Variants in MMP10 observed in about 807,000 individuals in gnomAD.
MMP10 encodes matrix metallopeptidase 10, also known as stromelysin-2.
Under a neutral mutation model 49.1 loss-of-function variants are expected in MMP10, and 50 were observed. The ratio of observed to expected loss-of-function variants is 1.02; its 90% confidence interval spans 0.81 to 1.29. The LOEUF is 1.29. Among genes scored for constraint, MMP10 ranks in the 50% most tolerant of loss-of-function variants. MMP10 has a pLI of 0.00. For synonymous variants in MMP10, 229 were observed against 201.6 expected, an observed-to-expected ratio of 1.14 and a Z score of -1.15; for missense variants, 613 against 563.8, an observed-to-expected ratio of 1.09 and a Z score of -0.88.
chr11:102,771,722 G>A (rs2134347249), intron 9 of MMP10, among the ~76,000 whole-genome samples: 1 of 152,166 alleles, frequency 6.6e-6, no homozygotes, highest in African/African-American at 2.4e-5. Flanking sequence ...TACCAACATA[G>A]TGACCTGAAA....
chr11:102,778,909 G>A (rs537945389), intron 3 of MMP10, among the ~76,000 whole-genome samples, 160 bp from the exon 4 acceptor site: 53 of 152,336 alleles, frequency 3.5e-4, no homozygotes, highest in African/African-American at 1.2e-3. Context: ...AAGAGGTTAG[G>A]TCTTTAGGAA....
intron 4 of MMP10, among the ~76,000 whole-genome samples, chr11:102,777,688 T>G (rs1334696992): frequency 6.6e-6 from 1 of 152,190 alleles, no homozygotes; most frequent in Non-Finnish European, 1.5e-5. Flanking sequence ...AGATTCAGCT[T>G]TTTAAAAATA....
Position 102,776,351 on chromosome 11 carries a change from G to A in MMP10, c.861C>T (p.Ala287=), listed in dbSNP as rs751259563. 9.3e-6 allele frequency: 15 copies of A among 1,613,684 alleles called. No homozygotes were observed. The Admixed American group carries it at 2.5e-4, about 27-fold the overall frequency. The change falls in exon 6 of 10, where the codon GCC becomes GCT. Residue 287 remains alanine, a synonymous_variant. Transcript: ENST00000279441. ...KSVPSGSEMP[A]KCDPALSFDA... Reference sequence around the variant, plus strand: ...CGAAGGACAAAGCAGGATCACACTTGGCTGGCATCTCAGATCCCGAAGGAA... The same window carrying A: ...CGAAGGACAAAGCAGGATCACACTTAGCTGGCATCTCAGATCCCGAAGGAA...
rs1157158594 is a variant in MMP10, at chr11:102,776,395, G to C, written c.817C>G (p.Leu273Val). The C allele has an allele frequency of 2.5e-6, 4 of 1,613,844 alleles. No individual in the cohort carries two copies. In the South Asian group the frequency reaches 4.4e-5, roughly 18 times the overall value. Residue 273 changes from leucine to valine, a missense_variant, in exon 6 of 10, where the codon CTG becomes GTG. Leu to Val is a conservative substitution (Grantham distance 32). Transcript: ENST00000279441. ...GAAGGAACAGATTTTGTGGGCACCAGGGGTTCCTCAGTAGAGGCAGGGGGA... is the reference window on the plus strand; with the variant it reads ...GAAGGAACAGATTTTGTGGGCACCACGGGTTCCTCAGTAGAGGCAGGGGGA... The part of the protein sequence containing the change: ...GPPPASTEEP[L>V]VPTKSVPSGS...
chr11:102,770,985 AG>A, intron 9 of MMP10, 92 bp from the exon 10 acceptor site: 2 of 819,348 alleles, frequency 2.4e-6, no homozygotes, highest in East Asian at 5.3e-5. Context: ...TTAATAATGG[AG>A]GGCATTTATT....
chr11:102,772,218 CT>C lies in MMP10; in HGVS notation c.1227-104del, dbSNP rs1861982842. The C allele has an allele frequency of 7.1e-6, 5 of 700,182 alleles. No homozygotes were observed. The Admixed American group carries it at 1.6e-4, about 22-fold the overall frequency. 43.4% of individuals were successfully genotyped at this position (700,182 alleles called of 1,614,324 possible). On this transcript the variant is annotated intron_variant, in intron 8 of 9. Transcript: ENST00000279441. The surrounding 1 kb of genome is among the most constrained non-coding windows in gnomAD (Gnocchi z 4.4). Reference sequence around the variant, plus strand: ...TTTCCAGTGTGGAATCCTAGACAAACTTTTTAAGTTGTGTAAAAAAGTGTTA... The same window carrying C: ...TTTCCAGTGTGGAATCCTAGACAAACTTTTAAGTTGTGTAAAAAAGTGTTA...
rs1362351447 is a variant in MMP10, at chr11:102,770,715, AT to A, written c.*77del. 2.5e-5 allele frequency: 22 copies of A among 891,296 alleles called. No individual in the cohort carries two copies. The highest frequency in any genetic ancestry group is 3.5e-5 in the Non-Finnish European group (20 of 578,724). The allele number at this position is 891,296 out of a possible 1,614,324, so 55.2% of individuals were successfully genotyped here. ...ACAGAACATGCAGGAAAAATTAACC[AT>A]TTTGGCTCATAATACATTAGATGAA... On this transcript the variant is annotated 3_prime_UTR_variant, in exon 10 of 10. Coordinates refer to ENST00000279441, the MANE Select transcript of MMP10 (RefSeq NM_002425.3).
rs749526694 is a variant in MMP10 at position 102,779,315 on chromosome 11, C to T, written c.394G>A (p.Ala132Thr). ...PDLPRDAVDS[A>T]IEKALKVWEE... The stretch of plus-strand genomic sequence containing the variant: ...CAGACTTTCAGAGCTTTCTCAATGG[C>T]AGAATCAACAGCATCTCTTGGCAAA... Residue 132 changes from alanine (A) to threonine (T), a missense_variant, in exon 3 of 10, where the codon GCC becomes ACC. Ala to Thr is a moderately conservative substitution (Grantham distance 58). Coordinates refer to ENST00000279441, the MANE Select transcript of MMP10 (RefSeq NM_002425.3). The T allele has an allele frequency of 1.2e-6, 2 of 1,614,120 alleles. No homozygotes were observed. The highest frequency in any genetic ancestry group is 3.3e-5 in the Admixed American group (2 of 60,008).
intron 7 of MMP10, among the ~76,000 whole-genome samples, chr11:102,773,589 CTT>C (rs1314579486): frequency 6.6e-6 from 1 of 152,250 alleles, no homozygotes; most frequent in Non-Finnish European, 1.5e-5. Context: ...GTTTATCTCT[CTT>C]GCTTCGTCTG....
chr11:102,776,474 A>G (rs780475281), intron 5 of MMP10, 50 bp from the exon 6 acceptor site: 1 of 1,600,080 alleles, frequency 6.2e-7, no homozygotes, highest in Admixed American at 1.7e-5. Context: ...AATGTGATGC[A>G]TCTGTCAATT....
At position 102,772,788 on chromosome 11, in the gene MMP10, AG is replaced by A; in HGVS notation, c.1226+58del. 1 of 1,549,588 alleles carries A rather than the reference AG, an allele frequency of 6.5e-7. No homozygotes were observed. The highest frequency in any genetic ancestry group is 8.7e-7 in the Non-Finnish European group (1 of 1,145,044). Reference sequence around the variant, plus strand: ...GTGTAGGGTAGGGAAATATCCTTAAAGAAAGAAAATAATTTTCTTAATCAGG... The same window carrying A: ...GTGTAGGGTAGGGAAATATCCTTAAAAAAGAAAATAATTTTCTTAATCAGG... On this transcript the variant is annotated intron_variant, in intron 8 of 9. Transcript: ENST00000279441. The surrounding 1 kb of genome is among the most constrained non-coding windows in gnomAD (Gnocchi z 4.4).
chr11:102,776,858 G>T, intron 4 of MMP10, 82 bp from the exon 5 acceptor site: 1 of 1,506,062 alleles, frequency 6.6e-7, no homozygotes, highest in Non-Finnish European at 9.1e-7. Context: ...CAGCTGTACA[G>T]GCCATCCTTG....
intron 1 of MMP10, 111 bp downstream of exon 1, chr11:102,780,376 A>T: frequency 1.2e-6 from 1 of 804,266 alleles, no homozygotes; most frequent in Non-Finnish European, 2.1e-6. Context: ...CTCTGATGCT[A>T]CAGTTTTCTA....
chr11:102,772,682 G>A lies in MMP10; in HGVS notation c.1226+165C>T, dbSNP rs201699734. Among the ~76,000 whole-genome samples, 1 of 152,282 alleles carries A rather than the reference G, an allele frequency of 6.6e-6. No individual in the cohort carries two copies. The highest frequency in any genetic ancestry group is 1.9e-4 in the East Asian group (1 of 5,186). The stretch of plus-strand genomic sequence containing the variant: ...GGCCCAGTGATCACCATTCTGAGAG[G>A]CCTTTGTATCCGGAAGGTAGAACAA... On this transcript the variant is annotated intron_variant, in intron 8 of 9. Transcript: ENST00000279441. The surrounding 1 kb of genome is among the most constrained non-coding windows in gnomAD (Gnocchi z 4.4).
Position 102,779,485 on chromosome 11 carries a change from A to T in MMP10, c.347+19T>A. The T allele has an allele frequency of 3.1e-6, 5 of 1,612,916 alleles. No individual in the cohort carries two copies. The highest frequency in any genetic ancestry group is 4.2e-6 in the Non-Finnish European group (5 of 1,179,168). On this transcript the variant is annotated intron_variant, in intron 2 of 9. Transcript: ENST00000279441. ...TTATAAGGTTTCAATATTATGTGAA[A>T]ACTAATCTGAACCATTACCTGTATG...
chr11:102,778,832 A>G, intron 3 of MMP10, 83 bp from the exon 4 acceptor site: 1 of 1,511,438 alleles, frequency 6.6e-7, no homozygotes, highest in Non-Finnish European at 9.0e-7. Context: ...TAGATTCTAT[A>G]GTCTGAATGT....
intron 6 of MMP10, among the ~76,000 whole-genome samples, chr11:102,776,040 T>A (rs1857727875): frequency 6.6e-6 from 1 of 152,064 alleles, no homozygotes; most frequent in African/African-American, 2.4e-5. Context: ...AGAGGAAATT[T>A]TATATTTTAA....
intron 6 of MMP10, 83 bp downstream of exon 6, chr11:102,776,197 A>G: frequency 7.7e-7 from 1 of 1,305,668 alleles, no homozygotes; most frequent in Non-Finnish European, 1.1e-6. Flanking sequence ...AATTAAAAAA[A>G]AAGCTCTGTC....
At position 102,770,722 on chromosome 11, in the gene MMP10, C is replaced by T. The variant is rs140680964; in HGVS notation, c.*71G>A. On this transcript the variant is annotated 3_prime_UTR_variant, in exon 10 of 10. Coordinates refer to ENST00000279441, the MANE Select transcript of MMP10 (RefSeq NM_002425.3). ...ATGCAGGAAAAATTAACCATTTTGG[C>T]TCATAATACATTAGATGAATAATTA... 5 of 1,028,586 alleles carry T rather than the reference C, an allele frequency of 4.9e-6. No homozygotes were observed. The East Asian group carries it at 1.3e-4, about 27-fold the overall frequency. The allele number at this position is 1,028,586 out of a possible 1,614,324, so 63.7% of individuals were successfully genotyped here.
Sources: gnomAD v4.1 joint callset for allele counts (sites outside exome capture counted in the v4.1 genomes callset) on GRCh38, gnomAD v4.1.1 for gene constraint, Gnocchi (gnomAD v3.1) non-coding constraint, MANE v1.5 for transcripts, NCBI Gene and HGNC (gene_info 2026-07-23, HGNC 2026-07-21) for gene names.